Variants in CDH8 observed in about 807,000 individuals in gnomAD.
The protein encoded by CDH8 is cadherin-8.
A neutral mutation model predicts 68.1 loss-of-function variants in CDH8; 17 were observed. The observed-to-expected ratio is 0.25, with a 90% CI of 0.17 to 0.37. CDH8 has a LOEUF of 0.37. Among genes scored for constraint, CDH8 ranks in the 10% least tolerant of loss-of-function variants. CDH8 has a pLI of 1.00. For missense variants in CDH8, 763 were observed against 999.3 expected, an observed-to-expected ratio of 0.76 and a Z score of 3.19; for synonymous variants, 372 against 365.1, an observed-to-expected ratio of 1.02 and a Z score of -0.21.
At chr16:61,819,065 A>G (rs989328940) in intron 6 of CDH8, among the ~76,000 whole-genome samples, 3 of 151,978 alleles carry the variant, frequency 2.0e-5, no homozygotes, top group Non-Finnish European at 4.4e-5. Flanking sequence ...CAATTTGCCA[A>G]TCACCTTTAC....
intron 7 of CDH8, among the ~76,000 whole-genome samples, chr16:61,801,792 C>A (rs191975563): frequency 2.0e-5 from 3 of 152,218 alleles, no homozygotes; most frequent in African/African-American, 7.2e-5. Flanking sequence ...AGATTATATC[C>A]CACACCTGGC....
In CDH8 at chr16:61,901,303, C is replaced by T. The variant is rs2143263917; in HGVS notation, c.423G>A (p.Trp141Ter). The change falls in exon 3 of 12, where the codon TGG (tryptophan) becomes TGA (stop). Residue 141 changes from tryptophan to a stop codon, truncating the protein, a stop_gained. Transcript: ENST00000577390. LOFTEE classifies it high-confidence loss of function. Reference protein sequence around the residue: ...EYTLTAQAVDWETSKPLEPPS... With the variant: ...EYTLTAQAVD Reference sequence around the variant, plus strand: ...GAGGCTCCAGAGGTTTGCTTGTCTCCCAGTCCACTGCTTGAGCTGTTAGGG... The same window carrying T: ...GAGGCTCCAGAGGTTTGCTTGTCTCTCAGTCCACTGCTTGAGCTGTTAGGG... 6.2e-7 allele frequency: 1 copy of T among 1,613,982 alleles called. No individual in the cohort carries two copies. Among genetic ancestry groups the T allele is most frequent in the Non-Finnish European group, 8.5e-7 (1 of 1,179,976 alleles).
chr16:61,910,493 G>A (rs1232582032), intron 2 of CDH8, among the ~76,000 whole-genome samples: 1 of 152,034 alleles, frequency 6.6e-6, no homozygotes, highest in African/African-American at 2.4e-5. Flanking sequence ...CAGACTGTGG[G>A]ATCTAGAATA....
chr16:61,796,184 G>A (rs1271450400), intron 7 of CDH8, among the ~76,000 whole-genome samples: 2 of 151,714 alleles, frequency 1.3e-5, no homozygotes, highest in African/African-American at 4.8e-5. Flanking sequence ...AGATAAGAGA[G>A]AAAAAGAGAA....
chr16:61,796,791 G>C (rs1961511895), intron 7 of CDH8, among the ~76,000 whole-genome samples: 1 of 152,044 alleles, frequency 6.6e-6, no homozygotes, highest in African/African-American at 2.4e-5. Flanking sequence ...GTTCAAAGAC[G>C]ATAATTTAAT....
Position 61,873,190 on chromosome 16 carries a change from C to T in CDH8, c.548-15952G>A, listed in dbSNP as rs542622859. Among the ~76,000 whole-genome samples the T allele has an allele frequency of 4.6e-5, 7 of 152,138 alleles. No homozygotes were observed. In the East Asian group the frequency reaches 5.8e-4, roughly 13 times the overall value. On this transcript the variant is annotated intron_variant, in intron 3 of 11. Coordinates refer to ENST00000577390, the MANE Select transcript of CDH8 (RefSeq NM_001796.5). ...GAAGAATATAGTTGCTAATATTATACGAATAATAAAAAGATTAATTATTTT... is the reference window on the plus strand; with the variant it reads ...GAAGAATATAGTTGCTAATATTATATGAATAATAAAAAGATTAATTATTTT...
At chr16:61,829,022 C>A (rs1437984614) in intron 4 of CDH8, among the ~76,000 whole-genome samples, 7 of 151,764 alleles carry the variant, frequency 4.6e-5, no homozygotes, top group Non-Finnish European at 1.0e-4. Flanking sequence ...CACTGCCCAG[C>A]CCTACCCACC....
At chr16:62,020,280 A>G (rs1902039702) in intron 2 of CDH8, among the ~76,000 whole-genome samples, 1 of 152,208 alleles carries the variant, frequency 6.6e-6, no homozygotes, top group African/African-American at 2.4e-5. Context: ...AAAATCAGTC[A>G]TTGGCAGGCT....
chr16:62,016,083 C>A (rs191333262), intron 2 of CDH8, among the ~76,000 whole-genome samples: 1 of 152,212 alleles, frequency 6.6e-6, no homozygotes, highest in East Asian at 1.9e-4. Context: ...ATCCCTGAAC[C>A]CTGGTTCAAC....
At chr16:61,815,855 A>G (rs764616873) in intron 7 of CDH8, among the ~76,000 whole-genome samples, 1 of 152,092 alleles carries the variant, frequency 6.6e-6, no homozygotes, top group African/African-American at 2.4e-5. Context: ...AACAGGGCAG[A>G]TTCATCCACT....
At chr16:61,676,318 T>C (rs888526560) in intron 10 of CDH8, among the ~76,000 whole-genome samples, 4 of 151,794 alleles carry the variant, frequency 2.6e-5, no homozygotes, top group Admixed American at 6.6e-5. Context: ...AGTGGCTATA[T>C]TAATATCAAA....
chr16:61,770,015 T>C (rs1434833728), intron 8 of CDH8, among the ~76,000 whole-genome samples: 2 of 151,694 alleles, frequency 1.3e-5, no homozygotes, highest in Non-Finnish European at 2.9e-5. Context: ...TATCAAGGAG[T>C]AGAGAGAGTT....
intron 10 of CDH8, among the ~76,000 whole-genome samples, chr16:61,673,814 G>A (rs945855189): frequency 6.6e-6 from 1 of 152,118 alleles, no homozygotes; most frequent in Admixed American, 6.6e-5. Flanking sequence ...TACAGAGATA[G>A]GGGGTTGATA....
chr16:61,785,092 C>T (rs983294961), intron 8 of CDH8, among the ~76,000 whole-genome samples: 3 of 142,254 alleles, frequency 2.1e-5, no homozygotes, highest in Admixed American at 7.1e-5. Flanking sequence ...AAAATCAGAG[C>T]AGAACTGAAG....
chr16:61,656,656 G>A (rs139010231), intron 10 of CDH8, among the ~76,000 whole-genome samples: 5 of 152,288 alleles, frequency 3.3e-5, no homozygotes, highest in Admixed American at 2.0e-4. Context: ...AGAACAAAAT[G>A]AGAAGTCATA....
chr16:62,007,731 T>C (rs1045979520), intron 2 of CDH8, among the ~76,000 whole-genome samples: 6 of 152,116 alleles, frequency 3.9e-5, no homozygotes, highest in African/African-American at 7.2e-5. Context: ...ATCCATTCCA[T>C]ATGGCTTTTG....
At chr16:62,019,152 G>A (rs773975171) in intron 2 of CDH8, among the ~76,000 whole-genome samples, 1 of 152,196 alleles carries the variant, frequency 6.6e-6, no homozygotes, top group Non-Finnish European at 1.5e-5. Context: ...ATTTCATATG[G>A]TATAAGAACG....
intron 2 of CDH8, among the ~76,000 whole-genome samples, chr16:61,966,878 T>C (rs928569705): frequency 1.3e-5 from 2 of 152,090 alleles, no homozygotes; most frequent in South Asian, 2.1e-4. Context: ...AAAGCAACCA[T>C]GAAAAATATG....
intron 4 of CDH8, among the ~76,000 whole-genome samples, chr16:61,827,912 G>A (rs538596143): frequency 4.0e-5 from 6 of 151,856 alleles, no homozygotes; most frequent in South Asian, 2.1e-4. Context: ...ACAAACAGTC[G>A]ATTAACATAT....
Sources: gnomAD v4.1 joint callset for allele counts (sites outside exome capture counted in the v4.1 genomes callset) on GRCh38, gnomAD v4.1.1 for gene constraint, MANE v1.5 for transcripts, NCBI Gene and HGNC (gene_info 2026-07-23, HGNC 2026-07-21) for gene names.